SLC44A1: variants seen among roughly 807,000 people sequenced by gnomAD.
SLC44A1 encodes solute carrier family 44 member 1, also known as choline transporter-like protein 1.
Under a neutral mutation model 79.3 loss-of-function variants are expected in SLC44A1, and 26 were observed. That is an observed-to-expected ratio of 0.33 (90% CI 0.24 to 0.46). The LOEUF (loss-of-function observed/expected upper bound fraction) is 0.46, where lower values mean the gene tolerates loss of function less well. Among genes scored for constraint, SLC44A1 ranks in the 20% least tolerant of loss-of-function variants. The pLI, the probability that SLC44A1 is intolerant of heterozygous loss-of-function variation, is 1.00. For missense variants in SLC44A1, 688 were observed against 798.1 expected, an observed-to-expected ratio of 0.86 and a Z score of 1.66; for synonymous variants, 263 against 286.2, an observed-to-expected ratio of 0.92 and a Z score of 0.82.
At chr9:105,271,906 G>T (rs1017661747) in intron 1 of SLC44A1, among the ~76,000 whole-genome samples, 1 of 152,154 alleles carries the variant, frequency 6.6e-6, no homozygotes, top group Admixed American at 6.5e-5. Flanking sequence ...GAGCCACTGC[G>T]CCTGGCCTGA....
In SLC44A1 at chr9:105,282,694, G is replaced by A. The variant is rs10991606; in HGVS notation, c.37-16526G>A. Among the ~76,000 whole-genome samples, 1,013 of 152,092 alleles carry A rather than the reference G, an allele frequency of 6.7e-3. 3 individuals are homozygous for A. Among genetic ancestry groups the A allele is most frequent in the Non-Finnish European group, 9.8e-3 (667 of 67,982 alleles). On this transcript the variant is annotated intron_variant, in intron 1 of 15. Transcript: ENST00000374720. ...CTCCTGAGTAGCTAGGATTACAGGCGTGCGCCACCATGCCCGGCTAATTTT... is the reference window on the plus strand; with the variant it reads ...CTCCTGAGTAGCTAGGATTACAGGCATGCGCCACCATGCCCGGCTAATTTT...
At chr9:105,287,763 T>G (rs1010759652) in intron 1 of SLC44A1, among the ~76,000 whole-genome samples, 1 of 152,238 alleles carries the variant, frequency 6.6e-6, no homozygotes, top group Admixed American at 6.5e-5. Flanking sequence ...CATACCTGTT[T>G]ACCTCTCTAA....
At chr9:105,278,528 G>A (rs900471263) in intron 1 of SLC44A1, among the ~76,000 whole-genome samples, 3 of 151,922 alleles carry the variant, frequency 2.0e-5, no homozygotes, top group Non-Finnish European at 4.4e-5. Flanking sequence ...GATTACAGGC[G>A]TGAGCCACCG....
intron 1 of SLC44A1, among the ~76,000 whole-genome samples, chr9:105,273,732 A>G (rs1830131784): frequency 6.6e-6 from 1 of 152,124 alleles, no homozygotes. Context: ...ACCATTGTAC[A>G]TAGCCGTATC....
chr9:105,376,319 ACACAC>A (rs1828282777), intron 13 of SLC44A1, among the ~76,000 whole-genome samples: 1 of 110,060 alleles, frequency 9.1e-6, no homozygotes, highest in Non-Finnish European at 2.0e-5. Flanking sequence ...ATGTATACAC[ACACAC>A]ACACACACAC....
intron 15 of SLC44A1, among the ~76,000 whole-genome samples, chr9:105,413,710 A>G (rs573494947): frequency 6.6e-6 from 1 of 152,326 alleles, no homozygotes; most frequent in South Asian, 2.1e-4. Context: ...GCACTATGCT[A>G]AGTCCTAGGA....
chr9:105,352,547 G>A (rs1430727345), intron 5 of SLC44A1, among the ~76,000 whole-genome samples: 2 of 152,164 alleles, frequency 1.3e-5, no homozygotes, highest in Admixed American at 1.3e-4. Flanking sequence ...AAGTAAAACA[G>A]CATCACTTCC....
At chr9:105,414,662 T>C (rs887726809) in intron 15 of SLC44A1, among the ~76,000 whole-genome samples, 2 of 152,156 alleles carry the variant, frequency 1.3e-5, no homozygotes, top group Non-Finnish European at 2.9e-5. Context: ...CTGGGCACCG[T>C]GGTGCACAAC....
intron 1 of SLC44A1, among the ~76,000 whole-genome samples, chr9:105,293,257 G>A (rs1457567857): frequency 6.6e-6 from 1 of 152,192 alleles, no homozygotes; most frequent in Non-Finnish European, 1.5e-5. Flanking sequence ...GTGTATGAAG[G>A]AAAGATTGAT....
At chr9:105,360,947 T>C (rs1827760255) in intron 7 of SLC44A1, among the ~76,000 whole-genome samples, 1 of 152,156 alleles carries the variant, frequency 6.6e-6, no homozygotes, top group Admixed American at 6.5e-5. Context: ...AATAAATACA[T>C]TTGAAGGAAG....
chr9:105,284,819 C>T (rs1010367630), intron 1 of SLC44A1, among the ~76,000 whole-genome samples: 8 of 151,948 alleles, frequency 5.3e-5, no homozygotes, highest in African/African-American at 1.9e-4. Context: ...ATTCATATAC[C>T]ATACAAAATG....
At chr9:105,420,861 CAAAAAAAAAAAAAAAAA>C (rs34053627) in intron 15 of SLC44A1, among the ~76,000 whole-genome samples, 1 of 12,484 alleles carries the variant, frequency 8.0e-5, no homozygotes, top group East Asian at 2.8e-3. Flanking sequence ...AACTCCATCT[CAAAAAAAAAAAAAAAAA>C]AAAAAAAAAA....
At position 105,392,414 on chromosome 9, in the gene SLC44A1, T is replaced by C; in HGVS notation, c.*3358T>C. The C allele has an allele frequency of 2.1e-6, 2 of 970,262 alleles. No individual in the cohort carries two copies. The highest frequency in any genetic ancestry group is 1.8e-5 in the African/African-American group (1 of 54,746). 60.1% of individuals were successfully genotyped at this position (970,262 alleles called of 1,614,324 possible). A position where few individuals can be genotyped will look rare whatever the true frequency, so the allele number is the denominator to read the frequency against. Reference sequence around the variant, plus strand: ...CTCTCTCTCTCTCTCTTTTTTTTTTTTTTTTTTTTTTTTTTTCCGTGAGGG... The same window carrying C: ...CTCTCTCTCTCTCTCTTTTTTTTTTCTTTTTTTTTTTTTTTTCCGTGAGGG... On this transcript the variant is annotated 3_prime_UTR_variant, in exon 16 of 16. Coordinates refer to ENST00000374720, the MANE Select transcript of SLC44A1 (RefSeq NM_080546.5).
intron 1 of SLC44A1, among the ~76,000 whole-genome samples, chr9:105,292,767 G>T (rs1249847083): frequency 6.6e-6 from 1 of 152,124 alleles, no homozygotes; most frequent in Non-Finnish European, 1.5e-5. Flanking sequence ...CGTAGTACTT[G>T]GTTTGTCTCT....
intron 14 of SLC44A1, among the ~76,000 whole-genome samples, chr9:105,384,907 T>G (rs1828583811): frequency 6.6e-6 from 1 of 152,250 alleles, no homozygotes. Context: ...AATGTCATGG[T>G]CAGATTGACA....
chr9:105,266,352 T>C (rs998110869), intron 1 of SLC44A1, among the ~76,000 whole-genome samples: 2 of 152,226 alleles, frequency 1.3e-5, no homozygotes, highest in African/African-American at 2.4e-5. Context: ...GAATGAATTA[T>C]GCTTTTGATA....
At chr9:105,258,085 T>C (rs1473164398) in intron 1 of SLC44A1, among the ~76,000 whole-genome samples, 3 of 152,208 alleles carry the variant, frequency 2.0e-5, no homozygotes, top group Non-Finnish European at 4.4e-5. Context: ...AAAATAGACC[T>C]TCCTGACTTA....
intron 2 of SLC44A1, among the ~76,000 whole-genome samples, chr9:105,303,004 C>G (rs568182304): frequency 2.6e-4 from 39 of 152,236 alleles, no homozygotes; most frequent in African/African-American, 8.4e-4. Flanking sequence ...TAACATTTAT[C>G]AATGGTGTTA....
At chr9:105,276,348 A>G (rs1830200855) in intron 1 of SLC44A1, among the ~76,000 whole-genome samples, 1 of 152,170 alleles carries the variant, frequency 6.6e-6, no homozygotes, top group Non-Finnish European at 1.5e-5. Flanking sequence ...TGCTTTCATC[A>G]TGTCATGCAG....
Sources: gnomAD v4.1 joint callset for allele counts (sites outside exome capture counted in the v4.1 genomes callset) on GRCh38, gnomAD v4.1.1 for gene constraint, MANE v1.5 for transcripts, NCBI Gene and HGNC (gene_info 2026-07-23, HGNC 2026-07-21) for gene names.